The following FRMPD2 variants were observed in gnomAD, a reference collection of about 807,000 sequenced individuals.
FRMPD2 encodes the protein FERM and PDZ domain containing 2, also known as FERM and PDZ domain-containing protein 2.
In FRMPD2, 96 loss-of-function variants were observed where a neutral mutation model predicts 140.1. That is an observed-to-expected ratio of 0.69 (90% CI 0.58 to 0.81). FRMPD2 has a LOEUF of 0.81. Among genes scored for constraint, FRMPD2 ranks in the 40% least tolerant of loss-of-function variants. FRMPD2 has a pLI of 0.00. For synonymous variants in FRMPD2, 449 were observed against 547.6 expected (o/e 0.82, Z 2.52); for missense variants, 1,240 against 1,447.4 (o/e 0.86, Z 2.32).
At chr10:48,251,487 C>G in intron 2 of FRMPD2, 79 bp downstream of exon 2, 2 of 1,555,392 alleles carry the variant, frequency 1.3e-6, no homozygotes, top group South Asian at 2.3e-5. Flanking sequence ...AAAAAAGCAG[C>G]AGCAGCCAGA....
At chr10:48,211,775 C>T (rs555085806) in intron 13 of FRMPD2, among the ~76,000 whole-genome samples, 179 bp downstream of exon 13, 1 of 152,262 alleles carries the variant, frequency 6.6e-6, no homozygotes, top group South Asian at 2.1e-4. Flanking sequence ...GGGTCATTTC[C>T]AATGCCAGCT....
chr10:48,170,735 A>G (rs1838220121), intron 26 of FRMPD2, among the ~76,000 whole-genome samples: 1 of 151,536 alleles, frequency 6.6e-6, no homozygotes, highest in South Asian at 2.1e-4. Context: ...GTCAGCCAGC[A>G]CAAAGGCCAG....
rs1225576601 is a variant in FRMPD2 at position 48,251,680 on chromosome 10, A to T, written c.37T>A (p.Ser13Thr). 6.2e-7 allele frequency: 1 copy of T among 1,614,194 alleles called. No homozygotes were observed. The highest frequency in any genetic ancestry group is 2.2e-5 in the East Asian group (1 of 44,878). The change falls in exon 2 of 29, where the codon TCC becomes ACC. Residue 13 changes from serine to threonine, a missense_variant. Physicochemically the swap from Ser to Thr is moderately conservative, Grantham distance 58. Around this residue, in one of 6 missense-constraint regions of FRMPD2, gnomAD observed 1,161 missense variants for 1,055.9 expected, o/e 1.10. Coordinates refer to ENST00000374201, the MANE Select transcript of FRMPD2 (RefSeq NM_001018071.4). ...AGGGCGCTGGCCAGCGTCACAGAGG[A>T]CAGGCTCATGCCTACAATAAAGACA... ...PLTKDAGMSL[S>T]SVTLASALQV...
chr10:48,209,236 C>T (rs529834091), intron 13 of FRMPD2, among the ~76,000 whole-genome samples: 2 of 152,208 alleles, frequency 1.3e-5, no homozygotes, highest in South Asian at 2.1e-4. Flanking sequence ...ATTATGATTT[C>T]AATAGCAAGA....
intron 10 of FRMPD2, among the ~76,000 whole-genome samples, chr10:48,231,790 C>T (rs1839853197): frequency 6.6e-6 from 1 of 152,122 alleles, no homozygotes. Flanking sequence ...GTACTAAGTC[C>T]CCATTAGTCC....
chr10:48,213,418 G>A (rs548342875), intron 12 of FRMPD2, among the ~76,000 whole-genome samples: 42 of 152,306 alleles, frequency 2.8e-4, no homozygotes, highest in Admixed American at 1.8e-3. Context: ...ATACAGTTTG[G>A]TTGTTTTTCA....
rs755315037 is a variant in FRMPD2 at position 48,185,657 on chromosome 10, A to C, written c.2267-12T>G. The C allele has an allele frequency of 6.2e-7, 1 of 1,601,158 alleles. No homozygotes were observed. Among genetic ancestry groups the C allele is most frequent in the South Asian group, 1.1e-5 (1 of 90,810 alleles). ...ATTATTCTTTGAGCCTAGAGGTAGA[A>C]TCAGAGCACCACATTGTGCTTTTCC... On this transcript the variant is annotated splice_polypyrimidine_tract_variant and intron_variant, in intron 17 of 28. Coordinates refer to ENST00000374201, the MANE Select transcript of FRMPD2 (RefSeq NM_001018071.4).
chr10:48,220,424 T>C lies in FRMPD2; in HGVS notation c.1455+1889A>G, dbSNP rs550615845. ...AACTGGATCCTCATCTCTCACCTTA[T>C]ACAAAAATCAACTCAAGATGGATCA... is the stretch of plus-strand genomic sequence containing the variant. On this transcript the variant is annotated intron_variant, in intron 12 of 28. Coordinates refer to ENST00000374201, the MANE Select transcript of FRMPD2 (RefSeq NM_001018071.4). Among the ~76,000 whole-genome samples, 7 of 152,258 alleles carry C rather than the reference T, an allele frequency of 4.6e-5. No homozygotes were observed. The South Asian group carries it at 8.3e-4, about 18-fold the overall frequency.
At chr10:48,240,215 CT>C (rs1174601933) in intron 6 of FRMPD2, 144 bp downstream of exon 6, 1 of 863,180 alleles carries the variant, frequency 1.2e-6, no homozygotes, top group Non-Finnish European at 1.7e-6. Flanking sequence ...AGCTCAGCCC[CT>C]TCTCTTCAGG....
At chr10:48,234,953 C>T (rs1839934823) in intron 9 of FRMPD2, among the ~76,000 whole-genome samples, 1 of 152,130 alleles carries the variant, frequency 6.6e-6, no homozygotes, top group African/African-American at 2.4e-5. Context: ...GAGGAGTCTC[C>T]AGTCACCTAA....
chr10:48,186,804 G>T (rs1463475113), intron 17 of FRMPD2, among the ~76,000 whole-genome samples: 1 of 152,242 alleles, frequency 6.6e-6, no homozygotes, highest in Non-Finnish European at 1.5e-5. Flanking sequence ...GAACTGGCCA[G>T]GAGGATGCAT....
In FRMPD2 at chr10:48,240,403, C is replaced by T; in HGVS notation, c.657G>A (p.Glu219=). 1 of 1,613,420 alleles carries T rather than the reference C, an allele frequency of 6.2e-7. No homozygotes were observed. Among genetic ancestry groups the T allele is most frequent in the Non-Finnish European group, 8.5e-7 (1 of 1,180,044 alleles). Residue 219 remains glutamate, a synonymous_variant, in exon 6 of 29, where the codon GAG becomes GAA. Transcript: ENST00000374201. ...ACTCCGGGGCCTGTGCCGCTGGGCT[C>T]TCGCTGCTTGTCCCACGCAGCCTCT... The part of the protein sequence containing the change: ...LRKRLRGTSS[E]SPAAQAPECL...
intron 10 of FRMPD2, 44 bp downstream of exon 10, chr10:48,232,071 C>A (rs775981751): frequency 6.3e-6 from 10 of 1,598,196 alleles, no homozygotes; most frequent in Non-Finnish European, 8.6e-6. Context: ...ACCTGGGTTA[C>A]CAGAGGCACC....
intron 28 of FRMPD2, among the ~76,000 whole-genome samples, chr10:48,159,750 G>C (rs1837883911): frequency 6.6e-6 from 1 of 151,510 alleles, no homozygotes; most frequent in African/African-American, 2.4e-5. Context: ...GAACTTACGT[G>C]CATTTTACTT....
intron 1 of FRMPD2, among the ~76,000 whole-genome samples, chr10:48,260,402 C>G (rs1840564897): frequency 6.6e-6 from 1 of 152,076 alleles, no homozygotes; most frequent in Non-Finnish European, 1.5e-5. Flanking sequence ...ATGAGATGTC[C>G]CAGCTCAAGC....
chr10:48,273,893 A>T (rs1840811276), intron 1 of FRMPD2, among the ~76,000 whole-genome samples: 1 of 152,210 alleles, frequency 6.6e-6, no homozygotes, highest in Non-Finnish European at 1.5e-5. Context: ...TTTAAAAAAA[A>T]AAAAAAGTTG....
chr10:48,242,157 T>C lies in FRMPD2; in HGVS notation c.567+4A>G, dbSNP rs1840129789. 2.5e-6 allele frequency: 4 copies of C among 1,608,114 alleles called. No individual in the cohort carries two copies. Among genetic ancestry groups the C allele is most frequent in the Non-Finnish European group, 3.4e-6 (4 of 1,176,340 alleles). On this transcript the variant is annotated splice_donor_region_variant and intron_variant, in intron 5 of 28. Coordinates refer to ENST00000374201, the MANE Select transcript of FRMPD2 (RefSeq NM_001018071.4). ...CTGCTTGAAAAGCACGGTTCTCTAC[T>C]GACCTCAGAAATGGTACCCAGAACC...
At chr10:48,242,761 C>T (rs1328755302) in intron 4 of FRMPD2, among the ~76,000 whole-genome samples, 7 of 152,202 alleles carry the variant, frequency 4.6e-5, no homozygotes, top group Admixed American at 3.9e-4. Context: ...TCTCACTTGG[C>T]CTTTCCCCTG....
At chr10:48,187,705 A>G (rs1329008555) in intron 16 of FRMPD2, among the ~76,000 whole-genome samples, 3 of 152,202 alleles carry the variant, frequency 2.0e-5, no homozygotes, top group Non-Finnish European at 2.9e-5. Flanking sequence ...GTGGATACTG[A>G]TGTTTTGTCA....
Sources: allele counts gnomAD v4.1 joint callset (sites outside exome capture counted in the v4.1 genomes callset), GRCh38; gene constraint gnomAD v4.1.1; regional missense constraint gnomAD v4.1.1; transcripts MANE v1.5; gene names NCBI Gene and HGNC (gene_info 2026-07-23, HGNC 2026-07-21).